NPAS3: variants seen among roughly 807,000 people sequenced by gnomAD.
The protein encoded by NPAS3 is neuronal PAS domain protein 3.
NPAS3 carries 14 observed loss-of-function variants against 73.1 expected under a neutral mutation model. The observed-to-expected ratio is 0.19, with a 90% CI of 0.13 to 0.30. The LOEUF (loss-of-function observed/expected upper bound fraction) is 0.30, where lower values mean the gene tolerates loss of function less well. NPAS3 is among the 10% of genes least tolerant of loss of function. NPAS3 has a pLI of 1.00. For missense variants in NPAS3, 1,096 were observed against 1,250.0 expected, an observed-to-expected ratio of 0.88 and a Z score of 1.86; for synonymous variants, 620 against 541.5, an observed-to-expected ratio of 1.14 and a Z score of -2.01.
chr14:33,050,881 A>T (rs992354743), intron 1 of NPAS3, among the ~76,000 whole-genome samples: 5 of 152,210 alleles, frequency 3.3e-5, no homozygotes, highest in African/African-American at 1.2e-4. Flanking sequence ...GTTCTGGGCT[A>T]AGCACTTTAC....
At chr14:33,180,799 C>CAAA (rs1555350930) in intron 2 of NPAS3, among the ~76,000 whole-genome samples, 3,361 of 69,314 alleles carry the variant, frequency 0.048, 490 homozygotes, top group South Asian at 0.071. Flanking sequence ...ACACTGTCTC[C>CAAA]AAGAAAAAAA....
intron 7 of NPAS3, among the ~76,000 whole-genome samples, chr14:33,746,146 T>C (rs2061784072): frequency 6.6e-6 from 1 of 151,966 alleles, no homozygotes; most frequent in Non-Finnish European, 1.5e-5. Context: ...TAGGGGATTC[T>C]ATTGACTCAT....
chr14:33,314,695 C>T (rs1566788019), intron 3 of NPAS3, among the ~76,000 whole-genome samples: 1 of 152,002 alleles, frequency 6.6e-6, no homozygotes, highest in Admixed American at 6.6e-5. Context: ...ATTCCAGAAA[C>T]ACCTGGACCT....
At chr14:33,227,551 A>G (rs2047680974) in intron 3 of NPAS3, among the ~76,000 whole-genome samples, 1 of 152,150 alleles carries the variant, frequency 6.6e-6, no homozygotes, top group Non-Finnish European at 1.5e-5. Context: ...CGTGAAGGCT[A>G]TCCTCCTGGG....
intron 1 of NPAS3, among the ~76,000 whole-genome samples, chr14:33,034,895 A>G (rs1365849683): frequency 1.3e-5 from 2 of 152,182 alleles, no homozygotes; most frequent in Non-Finnish European, 2.9e-5. Flanking sequence ...GAACATAGCA[A>G]TTCTGGTTCT....
At chr14:33,578,366 T>C in intron 5 of NPAS3, 1 of 370,158 alleles carries the variant, frequency 2.7e-6, no homozygotes, top group South Asian at 2.1e-5. Context: ...GCTAATTTTT[T>C]GTATTTTTAG....
intron 2 of NPAS3, among the ~76,000 whole-genome samples, chr14:33,085,430 A>G (rs8003967): frequency 0.44 from 66,704 of 152,096 alleles, 16,329 homozygotes; most frequent in African/African-American, 0.67. Flanking sequence ...GAGTATGATA[A>G]TCTCCTTCAG....
chr14:33,138,794 G>A (rs573224350), intron 2 of NPAS3, among the ~76,000 whole-genome samples: 2 of 152,184 alleles, frequency 1.3e-5, no homozygotes, highest in East Asian at 3.9e-4. Flanking sequence ...AAAACAACGG[G>A]GCTTCTTTGA....
At chr14:33,221,647 AT>A (rs908426742) in intron 3 of NPAS3, among the ~76,000 whole-genome samples, 1 of 151,690 alleles carries the variant, frequency 6.6e-6, no homozygotes, top group African/African-American at 2.4e-5. Context: ...AGAAATGAGG[AT>A]TTTTTTTGTG....
chr14:33,535,889 C>A (rs1482468435), intron 4 of NPAS3, among the ~76,000 whole-genome samples: 1 of 152,132 alleles, frequency 6.6e-6, no homozygotes, highest in Non-Finnish European at 1.5e-5. Flanking sequence ...TGGATTTAAA[C>A]TGACCCAGCC....
At chr14:33,036,390 T>C (rs2040169522) in intron 1 of NPAS3, among the ~76,000 whole-genome samples, 1 of 152,084 alleles carries the variant, frequency 6.6e-6, no homozygotes, top group Non-Finnish European at 1.5e-5. Context: ...GAACAAGGAA[T>C]GATAGCACTG....
chr14:32,937,322 T>G (rs2035727711), upstream of NPAS3, among the ~76,000 whole-genome samples: 3 of 152,160 alleles, frequency 2.0e-5, no homozygotes, highest in South Asian at 6.2e-4. Flanking sequence ...TTTTAAGTAC[T>G]TTTGAGGAGT....
chr14:33,629,842 C>A (rs1278752568), intron 5 of NPAS3, among the ~76,000 whole-genome samples: 1 of 152,012 alleles, frequency 6.6e-6, no homozygotes, highest in Admixed American at 6.6e-5. Flanking sequence ...AAACAACAGG[C>A]ATTCAAATTC....
chr14:33,522,492 A>G (rs1466849465), intron 4 of NPAS3, among the ~76,000 whole-genome samples: 1 of 152,080 alleles, frequency 6.6e-6, no homozygotes, highest in Non-Finnish European at 1.5e-5. Flanking sequence ...TCTCTATATT[A>G]TAGCAAGATA....
At chr14:33,280,817 G>T (rs1218119232) in intron 3 of NPAS3, among the ~76,000 whole-genome samples, 1 of 152,144 alleles carries the variant, frequency 6.6e-6, no homozygotes, top group East Asian at 1.9e-4. Context: ...GTGGTTGGGG[G>T]TGAGTCACCA....
Position 33,799,714 on chromosome 14 carries a change from C to A in NPAS3, c.1427-20C>A. 1 of 1,550,080 alleles carries A rather than the reference C, an allele frequency of 6.5e-7. No homozygotes were observed. Among genetic ancestry groups the A allele is most frequent in the Non-Finnish European group, 8.7e-7 (1 of 1,147,516 alleles). ...CTTCTCTCTCCGCCCCCGCCACCGC[C>A]GGCCCCCCGCCCCACACAGAGGACA... is the stretch of plus-strand genomic sequence containing the variant. On this transcript the variant is annotated intron_variant, in intron 11 of 11. Coordinates refer to ENST00000356141, the Ensembl canonical transcript of NPAS3.
At chr14:33,712,701 A>T (rs1027558782) in intron 6 of NPAS3, among the ~76,000 whole-genome samples, 8 of 152,134 alleles carry the variant, frequency 5.3e-5, no homozygotes, top group Non-Finnish European at 1.0e-4. Flanking sequence ...GAAGTCTCTG[A>T]CTTGTTAATG....
chr14:33,064,201 A>G (rs1249608388), intron 2 of NPAS3, among the ~76,000 whole-genome samples: 1 of 152,212 alleles, frequency 6.6e-6, no homozygotes, highest in Non-Finnish European at 1.5e-5. Context: ...TATGAAAAAT[A>G]CATATTATCA....
At chr14:33,115,559 C>T (rs1412819132) in intron 2 of NPAS3, among the ~76,000 whole-genome samples, 1 of 152,036 alleles carries the variant, frequency 6.6e-6, no homozygotes, top group Non-Finnish European at 1.5e-5. Context: ...TGTGTGTGTC[C>T]TAGAAGGTGT....
Sources: allele counts gnomAD v4.1 joint callset (sites outside exome capture counted in the v4.1 genomes callset), GRCh38; gene constraint gnomAD v4.1.1; transcripts MANE v1.5; gene names NCBI Gene and HGNC (gene_info 2026-07-23, HGNC 2026-07-21).